Variants in DPP6 observed in about 807,000 individuals in gnomAD.
DPP6 encodes A-type potassium channel modulatory protein DPP6.
DPP6 carries 69 observed loss-of-function variants against 122.6 expected under a neutral mutation model. The ratio of observed to expected loss-of-function variants is 0.56; its 90% CI spans 0.46 to 0.69. DPP6 has a LOEUF of 0.69. Ranked by LOEUF, DPP6 falls within the 30% of genes least tolerant of loss-of-function variation. DPP6 has a pLI of 0.00. For synonymous variants in DPP6, 418 were observed against 433.1 expected (o/e 0.97, Z 0.43); for missense variants, 928 against 1,116.9 (o/e 0.83, Z 2.41).
intron 1 of DPP6, among the ~76,000 whole-genome samples, chr7:154,230,514 G>A (rs1800860919): frequency 6.6e-6 from 1 of 152,176 alleles, no homozygotes; most frequent in African/African-American, 2.4e-5. Context: ...TGTGAACCTG[G>A]GTCATAGCCC....
At chr7:153,830,275 T>C in the DPP6 span, among the ~76,000 whole-genome samples, 4 of 152,228 alleles carry the variant, frequency 2.6e-5, no homozygotes, top group Non-Finnish European at 4.4e-5. Context: ...GGAAGAAATA[T>C]GTAACTCTTC....
chr7:154,204,783 T>TTTG (rs1799350608), intron 1 of DPP6, among the ~76,000 whole-genome samples: 1 of 150,868 alleles, frequency 6.6e-6, no homozygotes, highest in South Asian at 2.1e-4. Flanking sequence ...CTTGATGACC[T>TTTG]TGTGTGTGTG....
At chr7:154,050,625 T>C (rs1487078886), upstream of DPP6, among the ~76,000 whole-genome samples, 1 of 150,888 alleles carries the variant, frequency 6.6e-6, no homozygotes, top group East Asian at 1.9e-4. Context: ...ATCTATCTAA[T>C]TGTGGTGACT....
chr7:153,846,889 G>C, the DPP6 span, among the ~76,000 whole-genome samples: 3 of 151,790 alleles, frequency 2.0e-5, no homozygotes, highest in African/African-American at 2.4e-5. Context: ...AGTAGAGATG[G>C]GGTTTCACCC....
chr7:154,504,827 A>C (rs1825548235), intron 3 of DPP6, among the ~76,000 whole-genome samples: 1 of 151,944 alleles, frequency 6.6e-6, no homozygotes, highest in Non-Finnish European at 1.5e-5. Context: ...AATGCTATTA[A>C]AATTACATGT....
intron 1 of DPP6, among the ~76,000 whole-genome samples, chr7:154,239,334 C>T (rs555319216): frequency 3.7e-4 from 57 of 152,250 alleles, no homozygotes; most frequent in Admixed American, 1.7e-3. Flanking sequence ...CGGGTTTGAA[C>T]GGAGCAGTTC....
rs371277384 is a variant in DPP6, at chr7:154,016,853, C to A, written c.51+129119C>A. Among the ~76,000 whole-genome samples the A allele has an allele frequency of 1.5e-4, 23 of 152,238 alleles. No individual in the cohort carries two copies. In the South Asian group the frequency reaches 4.2e-3, roughly 27 times the overall value. On this transcript the variant is annotated intron_variant, in intron 1 of 25. Coordinates refer to the DPP6 transcript ENST00000404039. ...GAGCCATTAGTGAACTGAGAGAAAA[C>A]AGCACTATGGAGGGAGAAAGTGGAT... is the stretch of plus-strand genomic sequence containing the variant.
chr7:153,768,495 T>C, the DPP6 span, among the ~76,000 whole-genome samples: 13 of 152,024 alleles, frequency 8.6e-5, no homozygotes, highest in African/African-American at 3.1e-4. Flanking sequence ...TTCAAGGCAG[T>C]TGTGCTGGTT....
chr7:154,306,349 G>C (rs1585884136), intron 1 of DPP6, among the ~76,000 whole-genome samples: 1 of 152,178 alleles, frequency 6.6e-6, no homozygotes, highest in Non-Finnish European at 1.5e-5. Flanking sequence ...AGATCTTGAG[G>C]GTTCTTGTCT....
At chr7:154,474,355 C>T (rs1443379174) in intron 2 of DPP6, among the ~76,000 whole-genome samples, 1 of 152,162 alleles carries the variant, frequency 6.6e-6, no homozygotes, top group Non-Finnish European at 1.5e-5. Context: ...GTGCTTTCTC[C>T]TAAGCCTTGT....
chr7:154,863,540 G>A lies in DPP6; in HGVS notation c.1715-4455G>A, dbSNP rs754087989. ...CTGGATTTTTTTATGTTTATATTTTGTAGAGATGGAGTTGGGATTACAGGT... is the reference window on the plus strand; with the variant it reads ...CTGGATTTTTTTATGTTTATATTTTATAGAGATGGAGTTGGGATTACAGGT... On this transcript the variant is annotated intron_variant, in intron 17 of 25. Coordinates refer to ENST00000377770, the MANE Select transcript of DPP6 (RefSeq NM_130797.4). The surrounding 1 kb of genome is among the most constrained non-coding windows in gnomAD (Gnocchi z 4.1). 2.6e-4 allele frequency among the ~76,000 whole-genome samples: 39 copies of A among 151,680 alleles called. 2 individuals are homozygous for A. The highest frequency in any genetic ancestry group is 7.4e-5 in the Non-Finnish European group (5 of 67,956).
At chr7:153,908,940 G>C (rs1799960512) in intron 1 of DPP6, among the ~76,000 whole-genome samples, 1 of 151,966 alleles carries the variant, frequency 6.6e-6, no homozygotes, top group Admixed American at 6.6e-5. Context: ...TTTTAGTAGA[G>C]ATGGGGTTTC....
intron 16 of DPP6, among the ~76,000 whole-genome samples, chr7:154,814,430 G>C (rs1222042606): frequency 1.3e-5 from 2 of 152,142 alleles, no homozygotes; most frequent in Non-Finnish European, 1.5e-5. Context: ...GAACATGAAA[G>C]TGGCTGTGTA....
Position 154,187,391 on chromosome 7 carries a change from ATG to A in DPP6, c.243+134331_243+134332del, listed in dbSNP as rs1563293318. 2.0e-5 allele frequency among the ~76,000 whole-genome samples: 3 copies of A among 152,356 alleles called. No homozygotes were observed. In the East Asian group the frequency reaches 5.8e-4, roughly 29 times the overall value. ...TAAGTGGCTTTGCTGTTTAGACTGA[ATG>A]TGCACGAGAGCCAAATGACTATTTG... On this transcript the variant is annotated intron_variant, in intron 1 of 25. Coordinates refer to ENST00000377770, the MANE Select transcript of DPP6 (RefSeq NM_130797.4).
At chr7:154,489,674 C>T (rs184320569) in intron 3 of DPP6, among the ~76,000 whole-genome samples, 8 of 152,054 alleles carry the variant, frequency 5.3e-5, no homozygotes, top group Admixed American at 1.3e-4. Flanking sequence ...TCTCAAGACC[C>T]CTTATTCATT....
intron 1 of DPP6, among the ~76,000 whole-genome samples, chr7:154,201,949 T>C (rs28665072): frequency 0.05 from 7,564 of 152,298 alleles, 312 homozygotes; most frequent in African/African-American, 0.11. Flanking sequence ...ACAGAGTTAC[T>C]CCAGAGATTA....
At chr7:154,176,116 T>C (rs1399577868) in intron 1 of DPP6, among the ~76,000 whole-genome samples, 1 of 152,222 alleles carries the variant, frequency 6.6e-6, no homozygotes, top group Non-Finnish European at 1.5e-5. Flanking sequence ...TTCAGAAATA[T>C]GGGACAAGAT....
chr7:154,605,008 A>G (rs768242253), intron 5 of DPP6, among the ~76,000 whole-genome samples: 1 of 45,506 alleles, frequency 2.2e-5, no homozygotes, highest in Non-Finnish European at 5.6e-5. Flanking sequence ...TGTTTTCTGT[A>G]TGCTTTGGTA....
At chr7:154,640,714 G>T (rs540424687) in intron 6 of DPP6, among the ~76,000 whole-genome samples, 1 of 152,252 alleles carries the variant, frequency 6.6e-6, no homozygotes, top group South Asian at 2.1e-4. Context: ...CTAAGTCTGA[G>T]GATCTAGGTG....
Sources: allele counts gnomAD v4.1 joint callset (sites outside exome capture counted in the v4.1 genomes callset), GRCh38; gene constraint gnomAD v4.1.1; non-coding constraint Gnocchi (gnomAD v3.1); transcripts MANE v1.5; gene names NCBI Gene and HGNC (gene_info 2026-07-23, HGNC 2026-07-21).